Variants in PXN observed in about 807,000 individuals in gnomAD.
The protein encoded by PXN is paxillin, also known as testicular tissue protein Li 134.
A neutral mutation model predicts 103.6 loss-of-function variants in PXN; 61 were observed. The ratio of observed to expected loss-of-function variants is 0.59; its 90% CI spans 0.48 to 0.73. The LOEUF (loss-of-function observed/expected upper bound fraction) is 0.73. Ranked by LOEUF, PXN falls within the 30% of genes least tolerant of loss-of-function variation. The pLI, the probability that PXN is intolerant of heterozygous loss-of-function variation, is 0.00. For synonymous variants in PXN, 562 were observed against 607.8 expected, an observed-to-expected ratio of 0.92 and a Z score of 1.11; for missense variants, 1,274 against 1,460.3, an observed-to-expected ratio of 0.87 and a Z score of 2.08.
At chr12:120,218,010 T>C (rs1320442759) in intron 7 of PXN, among the ~76,000 whole-genome samples, 1 of 151,836 alleles carries the variant, frequency 6.6e-6, no homozygotes, top group African/African-American at 2.4e-5. Flanking sequence ...GTTGTTTCGT[T>C]TTGTTTTCCA....
chr12:120,218,065 A>C (rs1217103680), intron 7 of PXN, among the ~76,000 whole-genome samples: 8 of 92,486 alleles, frequency 8.6e-5, no homozygotes, highest in Non-Finnish European at 1.4e-4. Flanking sequence ...TTTTTTTTTG[A>C]GACAGTGTCT....
chr12:120,254,517 G>A (rs946442565), intron 1 of PXN, among the ~76,000 whole-genome samples: 11 of 152,030 alleles, frequency 7.2e-5, no homozygotes, highest in African/African-American at 2.2e-4. Context: ...TGTAAACCTC[G>A]AATATACACA....
Position 120,214,046 on chromosome 12 carries a change from A to G in PXN, c.2831-56T>C, listed in dbSNP as rs1881522185. On this transcript the variant is annotated intron_variant, in intron 13 of 14. Coordinates refer to ENST00000637617, the MANE Select transcript of PXN (RefSeq NM_001385981.1). The surrounding 1 kb of genome is among the most constrained non-coding windows in gnomAD (Gnocchi z 5.0). ...CATTCCGGCTTCCAGAAGTGGAGCC[A>G]CTCTGACTCCAACCTCAGCAGCGTC... The G allele has an allele frequency of 6.3e-7, 1 of 1,592,950 alleles. No homozygotes were observed. The highest frequency in any genetic ancestry group is 2.3e-5 in the East Asian group (1 of 43,956).
rs7969066 is a variant in PXN, at chr12:120,258,721, C to A, written c.13+6896G>T. ...TTTGTGTAAACGCATGGCCCTTGTGCTCTCTGCCCTTTATGTGTATATCCT... is the reference window on the plus strand; with the variant it reads ...TTTGTGTAAACGCATGGCCCTTGTGATCTCTGCCCTTTATGTGTATATCCT... On this transcript the variant is annotated intron_variant, in intron 1 of 14. Transcript: ENST00000637617. Among the ~76,000 whole-genome samples, 372 of 152,260 alleles carry A rather than the reference C, an allele frequency of 2.4e-3. 3 individuals are homozygous for A. The highest frequency in any genetic ancestry group is 8.6e-3 in the African/African-American group (357 of 41,544).
chr12:120,226,490 A>G, intron 1 of PXN: 7 of 1,273,456 alleles, frequency 5.5e-6, no homozygotes, highest in South Asian at 3.8e-5. Flanking sequence ...TTGGACTCCA[A>G]ACACCCAACA....
In PXN at chr12:120,212,480, C is replaced by T; in HGVS notation, c.3080G>A (p.Gly1027Asp). 6.2e-7 allele frequency: 1 copy of T among 1,613,918 alleles called. No homozygotes were observed. The highest frequency in any genetic ancestry group is 8.5e-7 in the Non-Finnish European group (1 of 1,179,878). Residue 1027 changes from glycine to aspartate, a missense_variant, in exon 15 of 15, where the codon GGC (glycine) becomes GAC (aspartate). Around this residue, in one of 2 missense-constraint regions of PXN, gnomAD observed 96 missense variants for 151.3 expected, o/e 0.63. Coordinates refer to ENST00000637617, the MANE Select transcript of PXN (RefSeq NM_001385981.1). The surrounding 1 kb of genome is among the most constrained non-coding windows in gnomAD (Gnocchi z 7.2). ...YHERRGSLCS[G>D]CQKPITGRCI... ...GCGGCCGGTGATGGGCTTCTGGCAG[C>T]CAGAACACAGCGAGCCGCGCCGCTC... is the stretch of plus-strand genomic sequence containing the variant.
Position 120,224,497 on chromosome 12 carries a change from G to T in PXN, c.14-120C>A, listed in dbSNP as rs773391174. The T allele has an allele frequency of 1.2e-6, 1 of 815,828 alleles. No homozygotes were observed. The highest frequency in any genetic ancestry group is 2.2e-6 in the Non-Finnish European group (1 of 464,628). 50.5% of individuals were successfully genotyped at this position (815,828 alleles called of 1,614,324 possible). A position where few individuals can be genotyped will look rare whatever the true frequency, so the allele number is the denominator to read the frequency against. ...CCTTCTAGCACCTGCCCCACCCATG[G>T]GAGAAATGACCAGCCTTGGGACAGG... On this transcript the variant is annotated intron_variant, in intron 1 of 14. Coordinates refer to ENST00000637617, the MANE Select transcript of PXN (RefSeq NM_001385981.1). The surrounding 1 kb of genome is among the most constrained non-coding windows in gnomAD (Gnocchi z 5.0).
rs1894578259 is a variant in PXN, at chr12:120,265,543, C to A, written c.13+74G>T. 2.1e-6 allele frequency: 3 copies of A among 1,449,712 alleles called. No individual in the cohort carries two copies. The highest frequency in any genetic ancestry group is 1.8e-6 in the Non-Finnish European group (2 of 1,105,348). The allele number at this position is 1,449,712 out of a possible 1,614,324, so 89.8% of individuals were successfully genotyped here. On this transcript the variant is annotated intron_variant, in intron 1 of 14. Transcript: ENST00000637617. The surrounding 1 kb of genome is among the most constrained non-coding windows in gnomAD (Gnocchi z 5.7). ...GAGGGTGGGATCCCGCGGCCCCTGC[C>A]GCTCGCTGGCGCCCTCCTGGCCCCA...
rs1362870388 is a variant in PXN at position 120,265,052 on chromosome 12, T to C, written c.13+565A>G. Among the ~76,000 whole-genome samples the C allele has an allele frequency of 6.7e-6, 1 of 149,114 alleles. No homozygotes were observed. Among genetic ancestry groups the C allele is most frequent in the Non-Finnish European group, 1.5e-5 (1 of 67,400 alleles). ...ATCTCTAGCTTTTGCATCTGACTTG[T>C]GAAATGAAAGGGGTGGGCTCCGAGG... On this transcript the variant is annotated intron_variant, in intron 1 of 14. Transcript: ENST00000637617. This position sits in a 1 kb window ranked among gnomAD's most constrained non-coding sequence, Gnocchi z 5.7.
intron 1 of PXN, among the ~76,000 whole-genome samples, chr12:120,243,974 A>T (rs1267300631): frequency 6.6e-6 from 1 of 151,974 alleles, no homozygotes; most frequent in Non-Finnish European, 1.5e-5. Flanking sequence ...CATGGATGAT[A>T]CCAAACAAAT....
At position 120,215,781 on chromosome 12, in the gene PXN, G is replaced by T; in HGVS notation, c.2302-120C>A. 5 of 1,283,708 alleles carry T rather than the reference G, an allele frequency of 3.9e-6. No homozygotes were observed. The highest frequency in any genetic ancestry group is 2.3e-4 in the Middle Eastern group (1 of 4,310). 79.5% of individuals were successfully genotyped at this position (1,283,708 alleles called of 1,614,324 possible). On this transcript the variant is annotated intron_variant, in intron 9 of 14. Transcript: ENST00000637617. The surrounding 1 kb of genome is among the most constrained non-coding windows in gnomAD (Gnocchi z 4.9). ...GAGATCTGAGGGTTTCTCCCCCACC[G>T]GCAGGACCAAAATTGGGGGAAAAAA...
chr12:120,251,541 G>A (rs1200472247), intron 1 of PXN, among the ~76,000 whole-genome samples: 2 of 151,750 alleles, frequency 1.3e-5, no homozygotes, highest in African/African-American at 4.8e-5. Flanking sequence ...CAAACAGGCC[G>A]CTGCGGTGGC....
At chr12:120,233,628 T>C (rs1034289936) in intron 1 of PXN, among the ~76,000 whole-genome samples, 1 of 152,128 alleles carries the variant, frequency 6.6e-6, no homozygotes, top group African/African-American at 2.4e-5. Flanking sequence ...TTAGAGGGGC[T>C]TGAATGAATG....
In PXN at chr12:120,215,244, G is replaced by A. The variant is rs1882329965; in HGVS notation, c.2433C>T (p.Ser811=). The A allele has an allele frequency of 6.3e-7, 1 of 1,589,100 alleles. No individual in the cohort carries two copies. The part of the protein sequence containing the change: ...GFMAQGKTGS[S]SPPGGPPKPG... ...GCTTCGGGGGCCCCCCAGGGGGTGA[G>A]CTGCTCCCTGTCTTCCCCTGGGCCA... The change falls in exon 11 of 15, where the codon AGC becomes AGT. Residue 811 remains serine (S), a synonymous_variant. Coordinates refer to ENST00000637617, the MANE Select transcript of PXN (RefSeq NM_001385981.1). This position sits in a 1 kb window ranked among gnomAD's most constrained non-coding sequence, Gnocchi z 4.9.
At chr12:120,223,570 C>T (rs186030387) in intron 3 of PXN, 148 bp downstream of exon 3, 16 of 595,718 alleles carry the variant, frequency 2.7e-5, no homozygotes, top group African/African-American at 1.9e-4. Flanking sequence ...ACGGGCCCAC[C>T]GACAGGCCTT....
chr12:120,247,147 A>C (rs1483816918), intron 1 of PXN, among the ~76,000 whole-genome samples: 2 of 152,256 alleles, frequency 1.3e-5, no homozygotes, highest in South Asian at 2.1e-4. Context: ...AATTACTTTA[A>C]AATCTAAAAG....
At position 120,222,734 on chromosome 12, in the gene PXN, G is replaced by T; in HGVS notation, c.510C>A (p.Ser170Arg). Residue 170 changes from serine (S) to arginine (R), a missense_variant, in exon 5 of 15, where the codon AGC (serine) becomes AGA (arginine). Around this residue, in one of 2 missense-constraint regions of PXN, gnomAD observed 1,178 missense variants for 1,309.0 expected, o/e 0.90. Transcript: ENST00000637617. This position sits in a 1 kb window ranked among gnomAD's most constrained non-coding sequence, Gnocchi z 4.7. ...GGCTCAGGGCCCCAGGAAGCGGGGG[G>T]CTTGAGTTGGCCTCATCTTGCAGAG... ...PGFPADEANS[S>R]PPLPGALSPL... 6.2e-7 allele frequency: 1 copy of T among 1,606,736 alleles called. No individual in the cohort carries two copies. Among genetic ancestry groups the T allele is most frequent in the Non-Finnish European group, 8.5e-7 (1 of 1,176,738 alleles).
chr12:120,260,300 G>A (rs935167383), intron 1 of PXN, among the ~76,000 whole-genome samples: 29 of 152,060 alleles, frequency 1.9e-4, no homozygotes, highest in Non-Finnish European at 3.8e-4. Context: ...ACCTGAAGTC[G>A]GGAGTTCGAG....
rs746062956 is a variant in PXN, at chr12:120,213,795, C to T, written c.2979+47G>A. The stretch of plus-strand genomic sequence containing the variant: ...CACAATGAGGAAGACCCCTCTCTCC[C>T]CACTGCCTGCTCCTCGCCCCTCCAG... On this transcript the variant is annotated intron_variant, in intron 14 of 14. Coordinates refer to ENST00000637617, the MANE Select transcript of PXN (RefSeq NM_001385981.1). The surrounding 1 kb of genome is among the most constrained non-coding windows in gnomAD (Gnocchi z 4.2). 1 of 1,580,348 alleles carries T rather than the reference C, an allele frequency of 6.3e-7. No homozygotes were observed. Among genetic ancestry groups the T allele is most frequent in the South Asian group, 1.2e-5 (1 of 86,494 alleles).
Sources: allele counts gnomAD v4.1 joint callset (sites outside exome capture counted in the v4.1 genomes callset), GRCh38; gene constraint gnomAD v4.1.1; regional missense constraint gnomAD v4.1.1; non-coding constraint Gnocchi (gnomAD v3.1); transcripts MANE v1.5; gene names NCBI Gene and HGNC (gene_info 2026-07-23, HGNC 2026-07-21).